Variants in ZNF683 observed in about 807,000 individuals in gnomAD.
ZNF683 encodes the protein tissue-resident T-cell transcription regulator protein ZNF683.
ZNF683 carries 20 observed loss-of-function variants against 31.4 expected under a neutral mutation model. The observed-to-expected ratio is 0.64, with a 90% CI of 0.45 to 0.93. The LOEUF (loss-of-function observed/expected upper bound fraction) is 0.93. ZNF683 is among the 40% of genes least tolerant of loss of function. The probability of loss-of-function intolerance (pLI) is 0.00; values close to 1 mark genes in which losing one functional copy is unlikely to be tolerated. For synonymous variants in ZNF683, 264 were observed against 267.6 expected, an observed-to-expected ratio of 0.99 and a Z score of 0.13; for missense variants, 621 against 637.2, an observed-to-expected ratio of 0.97 and a Z score of 0.27.
In ZNF683 at chr1:26,361,734, A is replaced by G. The variant is rs780615842; in HGVS notation, c.1432T>C (p.Ser478Pro). The G allele has an allele frequency of 3.7e-6, 6 of 1,614,032 alleles. No individual in the cohort carries two copies. The Admixed American group carries it at 8.3e-5, about 22-fold the overall frequency. ...GYDIDEVKVS[S>P]TSQGKARAVS... ...GCTCTTGCTTTCCCCTGGGATGTCGAGGACACTTTGACCTCATCTATGTCA... is the reference window on the plus strand; with the variant it reads ...GCTCTTGCTTTCCCCTGGGATGTCGGGGACACTTTGACCTCATCTATGTCA... Residue 478 changes from serine (S) to proline (P), a missense_variant, in exon 6 of 6, where the codon TCG (serine) becomes CCG (proline). By Grantham distance (74) the Ser-to-Pro change is moderately conservative. Coordinates refer to ENST00000349618, the MANE Select transcript of ZNF683 (RefSeq NM_001114759.3).
chr1:26,374,028 ATTTC>A (rs1409553531), upstream of ZNF683, among the ~76,000 whole-genome samples: 1 of 139,638 alleles, frequency 7.2e-6, no homozygotes, highest in Non-Finnish European at 1.5e-5. Flanking sequence ...CCACCCCCTC[ATTTC>A]TTTCTTTCTT....
rs1432495675 is a variant in ZNF683 at position 26,361,807 on chromosome 1, CT to C, written c.1358del (p.Gln453ArgfsTer4). On this transcript the variant is annotated frameshift_variant, in exon 6 of 6. Transcript: ENST00000349618. LOFTEE classifies it low-confidence loss of function (END_TRUNC). ...ASLACLAQWHQGALDLMAVAS... is the reference protein window; with the variant it reads ...ASLACLAQWHXGALDLMAVAS... ...CCACCGCCATAAGATCTAGTGCCCC[CT>C]GGTGCCATTGGGCAAGGCAGGCCAG... 2.5e-6 allele frequency: 4 copies of C among 1,614,080 alleles called. No homozygotes were observed. Among genetic ancestry groups the C allele is most frequent in the Non-Finnish European group, 2.5e-6 (3 of 1,179,912 alleles).
rs56178546 is a variant in ZNF683 at position 26,369,668 on chromosome 1, C to CAAAAA, written c.-14-1088_-14-1084dup. Reference sequence around the variant, plus strand: ...GGGTGACAGAGCAAGACTTTGTCTCCAAAAAAAAAAAATTAGCTGAGTGTG... The same window carrying CAAAAA: ...GGGTGACAGAGCAAGACTTTGTCTCCAAAAAAAAAAAAAAAAATTAGCTGAGTGTG... On this transcript the variant is annotated intron_variant, in intron 1 of 5. Transcript: ENST00000349618. Among the ~76,000 whole-genome samples, 74 of 108,680 alleles carry CAAAAA rather than the reference C, an allele frequency of 6.8e-4. 1 individual carries two copies. In the East Asian group the frequency reaches 7.1e-3, roughly 10 times the overall value. 71.3% of individuals were successfully genotyped at this position (108,680 alleles called of 152,430 possible).
Position 26,368,581 on chromosome 1 carries a change from A to G in ZNF683, c.-10T>C, listed in dbSNP as rs767103546. On this transcript the variant is annotated 5_prime_UTR_variant, in exon 2 of 6. Transcript: ENST00000349618. ...CTGATTCTTCCTTCATATCCCCATT[A>G]CCTGCTGGGAAACAGGTGAGTTAGA... 12 of 1,593,482 alleles carry G rather than the reference A, an allele frequency of 7.5e-6. No individual in the cohort carries two copies. Among genetic ancestry groups the G allele is most frequent in the African/African-American group, 2.7e-5 (2 of 74,066 alleles).
At position 26,361,657 on chromosome 1, in the gene ZNF683, G is replaced by T; in HGVS notation, c.1509C>A (p.Asn503Lys). ...GTPLVMGQDQ[N>K]N The stretch of plus-strand genomic sequence containing the variant: ...CATGACAGAAGAAACATTTTTAATT[G>T]TTCTGGTCCTGCCCCATCACCAGGG... Residue 503 changes from asparagine (N) to lysine (K), a missense_variant, in exon 6 of 6, where the codon AAC (asparagine) becomes AAA (lysine). Transcript: ENST00000349618. 5 of 1,606,668 alleles carry T rather than the reference G, an allele frequency of 3.1e-6. No homozygotes were observed. The highest frequency in any genetic ancestry group is 4.3e-6 in the Non-Finnish European group (5 of 1,176,114).
chr1:26,363,609 A>T (rs143791976), intron 4 of ZNF683, among the ~76,000 whole-genome samples: 305 of 152,204 alleles, frequency 2.0e-3, no homozygotes, highest in African/African-American at 7.0e-3. Flanking sequence ...ATGCACAAAA[A>T]ATTTGAAAGT....
At chr1:26,364,476 G>T in intron 4 of ZNF683, 56 bp downstream of exon 4, 3 of 1,591,954 alleles carry the variant, frequency 1.9e-6, no homozygotes, top group Non-Finnish European at 2.6e-6. Flanking sequence ...AGACTCGGGT[G>T]CATGGGGGGC....
chr1:26,369,267 A>T (rs11247934), intron 1 of ZNF683, among the ~76,000 whole-genome samples: 34,732 of 151,548 alleles, frequency 0.23, 4,428 homozygotes, highest in East Asian at 0.58. Flanking sequence ...AATAAATAAA[A>T]AAATAAAAAA....
chr1:26,368,330 C>T lies in ZNF683; in HGVS notation c.114+128G>A, dbSNP rs2074579790. 3 of 1,172,056 alleles carry T rather than the reference C, an allele frequency of 2.6e-6. No homozygotes were observed. The South Asian group carries it at 6.4e-5, about 25-fold the overall frequency. 72.6% of individuals were successfully genotyped at this position (1,172,056 alleles called of 1,614,324 possible). The stretch of plus-strand genomic sequence containing the variant: ...TCAAAGAAACATCCCTATGATGTGC[C>T]TGGGATAGGGGGTGCTCAGACTGGG... On this transcript the variant is annotated intron_variant, in intron 2 of 5. Transcript: ENST00000349618.
intron 3 of ZNF683, among the ~76,000 whole-genome samples, chr1:26,366,857 C>T (rs1352390746): frequency 2.0e-5 from 3 of 152,150 alleles, no homozygotes; most frequent in Non-Finnish European, 2.9e-5. Context: ...GGGGTTTCAC[C>T]GTGTTAGCCA....
chr1:26,362,195 C>G, intron 5 of ZNF683, 173 bp from the exon 6 acceptor site: 1 of 1,570,078 alleles, frequency 6.4e-7, no homozygotes, highest in Non-Finnish European at 8.6e-7. Flanking sequence ...TAGAACCAGG[C>G]CAACTTGGGT....
intron 3 of ZNF683, among the ~76,000 whole-genome samples, chr1:26,366,479 C>A (rs1399615090): frequency 6.6e-6 from 1 of 152,068 alleles, no homozygotes; most frequent in African/African-American, 2.4e-5. Flanking sequence ...CAAGAGAGTC[C>A]TTGCCTTCAG....
In ZNF683 at chr1:26,361,972, G is replaced by A. The variant is rs761601543; in HGVS notation, c.1194C>T (p.Arg398=). The A allele has an allele frequency of 5.0e-6, 8 of 1,613,866 alleles. No homozygotes were observed. Among genetic ancestry groups the A allele is most frequent in the Admixed American group, 1.7e-5 (1 of 60,000 alleles). ...GGAAGGGCCGGGCCCCGGAGTGCAG[G>A]CGCAGGTGGGTCTTGAGGTTACTGG... ...SSSSNLKTHL[R]LHSGARPFQC... is the part of the protein sequence containing the mutation. Residue 398 remains arginine (R), a synonymous_variant, in exon 6 of 6, where the codon CGC becomes CGT. Coordinates refer to ENST00000349618, the MANE Select transcript of ZNF683 (RefSeq NM_001114759.3).
At chr1:26,374,191 G>C, upstream of ZNF683, 2 of 1,269,956 alleles carry the variant, frequency 1.6e-6, no homozygotes, top group Non-Finnish European at 2.1e-6. Flanking sequence ...CCACAAGCCC[G>C]CCTCCCCTGC....
Position 26,364,615 on chromosome 1 carries a change from A to G in ZNF683, c.931T>C (p.Tyr311His). 1 of 1,614,000 alleles carries G rather than the reference A, an allele frequency of 6.2e-7. No individual in the cohort carries two copies. Among genetic ancestry groups the G allele is most frequent in the South Asian group, 1.1e-5 (1 of 91,086 alleles). Residue 311 changes from tyrosine to histidine, a missense_variant, in exon 4 of 6, where the codon TAC becomes CAC. Tyr to His is a moderately conservative substitution (Grantham distance 83). Coordinates refer to ENST00000349618, the MANE Select transcript of ZNF683 (RefSeq NM_001114759.3). ...TTGCCATTCTTCTTTTTCAGCGGGT[A>G]AGGCAAGGCTGCGGTGCCTGTCTGG... The part of the protein sequence containing the change: ...SSQTGTAALP[Y>H]PLKKKNGKIL...
intron 5 of ZNF683, 39 bp from the exon 6 acceptor site, chr1:26,362,061 G>C: frequency 1.9e-6 from 3 of 1,613,960 alleles, no homozygotes; most frequent in Non-Finnish European, 2.5e-6. Flanking sequence ...TTGTCCTCTG[G>C]GCTGGCTCAG....
chr1:26,364,213 A>G (rs1174762244), intron 4 of ZNF683, among the ~76,000 whole-genome samples: 2 of 152,246 alleles, frequency 1.3e-5, no homozygotes, highest in African/African-American at 4.8e-5. Flanking sequence ...CTTTGCCCAG[A>G]GCAAATGTTG....
chr1:26,374,327 T>G, upstream of ZNF683: 1 of 1,303,788 alleles, frequency 7.7e-7, no homozygotes, highest in Non-Finnish European at 1.0e-6. Flanking sequence ...CACACTCTGC[T>G]CCCAGCTCTC....
chr1:26,364,811 G>A lies in ZNF683; in HGVS notation c.735C>T (p.His245=). ...GCAGGGTCTCCCACCGAGCGCTGGG[G>A]TGCCCCAGCTCATTGACCATCATCA... The part of the protein sequence containing the change: ...SLLMMVNELG[H]PSARWETLLP... Residue 245 remains histidine, a synonymous_variant, in exon 4 of 6, where the codon CAC becomes CAT. Coordinates refer to ENST00000349618, the MANE Select transcript of ZNF683 (RefSeq NM_001114759.3). The A allele has an allele frequency of 7.8e-7, 1 of 1,282,118 alleles. No individual in the cohort carries two copies. The highest frequency in any genetic ancestry group is 1.0e-6 in the Non-Finnish European group (1 of 953,760). 79.4% of individuals were successfully genotyped at this position (1,282,118 alleles called of 1,614,324 possible).
Sources: gnomAD v4.1 joint callset for allele counts (sites outside exome capture counted in the v4.1 genomes callset) on GRCh38, gnomAD v4.1.1 for gene constraint, MANE v1.5 for transcripts, NCBI Gene and HGNC (gene_info 2026-07-23, HGNC 2026-07-21) for gene names.